TPST1: variants seen among roughly 807,000 people sequenced by gnomAD.
TPST1 encodes the protein protein-tyrosine sulfotransferase 1.
In TPST1, 20 loss-of-function variants were observed where a neutral mutation model predicts 34.8. The ratio of observed to expected loss-of-function variants is 0.57; its 90% confidence interval spans 0.40 to 0.84. TPST1 has a LOEUF of 0.84. Ranked by LOEUF, TPST1 falls within the 40% of genes least tolerant of loss-of-function variation. The pLI, the probability that TPST1 is intolerant of heterozygous loss-of-function variation, is 0.00. For synonymous variants in TPST1, 152 were observed against 159.4 expected (o/e 0.95, Z 0.35); for missense variants, 353 against 455.5 (o/e 0.78, Z 2.05).
intron 3 of TPST1, among the ~76,000 whole-genome samples, chr7:66,341,001 A>T (rs1792226699): frequency 6.6e-6 from 1 of 152,092 alleles, no homozygotes; most frequent in Non-Finnish European, 1.5e-5. Flanking sequence ...ACAGAGTGAG[A>T]CTCCGTCTCA....
intron 3 of TPST1, among the ~76,000 whole-genome samples, chr7:66,327,431 G>A (rs944359049): frequency 5.3e-5 from 8 of 152,156 alleles, no homozygotes; most frequent in Admixed American, 5.2e-4. Flanking sequence ...GTTAAAAAAT[G>A]TATATGTACA....
At chr7:66,199,351 G>A in the TPST1 span, among the ~76,000 whole-genome samples, 1 of 146,802 alleles carries the variant, frequency 6.8e-6, no homozygotes, top group African/African-American at 2.5e-5. Flanking sequence ...CTGGAGTGCA[G>A]TGGTGCAATC....
intron 1 of TPST1, among the ~76,000 whole-genome samples, chr7:66,231,591 C>T (rs1338450908): frequency 2.0e-5 from 3 of 152,242 alleles, no homozygotes; most frequent in Non-Finnish European, 4.4e-5. Context: ...GGTGCTAAGC[C>T]CCTCATTGCC....
intron 1 of TPST1, among the ~76,000 whole-genome samples, chr7:66,209,432 C>T (rs1229182613): frequency 3.9e-5 from 6 of 152,176 alleles, no homozygotes; most frequent in African/African-American, 1.4e-4. Context: ...AGCGAGGAAC[C>T]TTTGAAGGAT....
intron 2 of TPST1, among the ~76,000 whole-genome samples, chr7:66,261,502 A>T (rs1422477202): frequency 6.6e-6 from 1 of 152,164 alleles, no homozygotes; most frequent in African/African-American, 2.4e-5. Context: ...TAAATTTTTT[A>T]AAATTTTGGG....
At chr7:66,206,752 G>T (rs1789139389) in intron 1 of TPST1, among the ~76,000 whole-genome samples, 1 of 152,096 alleles carries the variant, frequency 6.6e-6, no homozygotes, top group South Asian at 2.1e-4. Flanking sequence ...AAGCAATGTG[G>T]TACGTGTTTA....
At chr7:66,243,771 T>G (rs1790088503) in intron 2 of TPST1, among the ~76,000 whole-genome samples, 1 of 151,700 alleles carries the variant, frequency 6.6e-6, no homozygotes, top group Non-Finnish European at 1.5e-5. Flanking sequence ...TTTTAAAGAT[T>G]GAATCCCTAC....
chr7:66,282,932 T>C (rs1790961366), intron 2 of TPST1, among the ~76,000 whole-genome samples: 1 of 152,218 alleles, frequency 6.6e-6, no homozygotes, highest in Non-Finnish European at 1.5e-5. Flanking sequence ...CCCAACTTAG[T>C]AGCTTCAATA....
intron 3 of TPST1, among the ~76,000 whole-genome samples, chr7:66,339,695 G>A (rs1464310021): frequency 6.6e-6 from 1 of 151,980 alleles, no homozygotes; most frequent in Non-Finnish European, 1.5e-5. Flanking sequence ...AGGGTGGGGG[G>A]TTGGAGGAAG....
Position 66,244,262 on chromosome 7 carries a change from T to C in TPST1, c.845+2992T>C, listed in dbSNP as rs1488351149. Among the ~76,000 whole-genome samples the C allele has an allele frequency of 1.5e-4, 23 of 152,180 alleles. 1 individual carries two copies. Among genetic ancestry groups the C allele is most frequent in the Admixed American group, 1.5e-3 (23 of 15,276 alleles). Reference sequence around the variant, plus strand: ...GCCACCGCGCCTGGCCGAAAATTGTTTAAAGTAAATATTTTAATACTTAGT... The same window carrying C: ...GCCACCGCGCCTGGCCGAAAATTGTCTAAAGTAAATATTTTAATACTTAGT... On this transcript the variant is annotated intron_variant, in intron 2 of 5. Coordinates refer to ENST00000304842, the MANE Select transcript of TPST1 (RefSeq NM_003596.4).
intron 1 of TPST1, among the ~76,000 whole-genome samples, chr7:66,212,364 G>A (rs1756621262): frequency 6.6e-6 from 1 of 152,116 alleles, no homozygotes; most frequent in Admixed American, 6.5e-5. Flanking sequence ...TTGGTGATGG[G>A]TAGGAAGAAA....
At chr7:66,355,902 CAAAAAAAAAAAA>C (rs573200695) in intron 4 of TPST1, among the ~76,000 whole-genome samples, 48 of 56,908 alleles carry the variant, frequency 8.4e-4, no homozygotes, top group African/African-American at 2.9e-3. Context: ...AAGACTCCAT[CAAAAAAAAAAAA>C]AAAAAAAAAA....
upstream of TPST1, among the ~76,000 whole-genome samples, chr7:66,204,133 C>T (rs1789072288): frequency 6.6e-6 from 1 of 150,746 alleles, no homozygotes; most frequent in South Asian, 2.1e-4. Context: ...GCCAAGATCA[C>T]ATAACTCCAC....
intron 2 of TPST1, among the ~76,000 whole-genome samples, chr7:66,269,868 C>T (rs1790670116): frequency 6.6e-6 from 1 of 151,832 alleles, no homozygotes; most frequent in South Asian, 2.1e-4. Flanking sequence ...GAGAGCAAGT[C>T]AACAAAGCAG....
At chr7:66,248,503 G>GTTTT (rs373801835) in intron 2 of TPST1, among the ~76,000 whole-genome samples, 13 of 124,278 alleles carry the variant, frequency 1.0e-4, no homozygotes, top group South Asian at 2.6e-4. Context: ...AACATTTAGT[G>GTTTT]TTTTTTTTTT....
chr7:66,286,187 A>G (rs1190867309), intron 2 of TPST1, among the ~76,000 whole-genome samples: 2 of 151,894 alleles, frequency 1.3e-5, no homozygotes, highest in African/African-American at 4.8e-5. Flanking sequence ...TTGACTGACA[A>G]TTTTTCTAAG....
chr7:66,264,935 T>C (rs1790561248), intron 2 of TPST1, among the ~76,000 whole-genome samples: 1 of 151,984 alleles, frequency 6.6e-6, no homozygotes, highest in Non-Finnish European at 1.5e-5. Context: ...AAAACCTAAC[T>C]GAAAGTTTGA....
intron 2 of TPST1, among the ~76,000 whole-genome samples, chr7:66,276,380 A>ATATATATATATATATATATATATATG (rs1194858990): frequency 2.1e-5 from 3 of 139,834 alleles, no homozygotes; most frequent in African/African-American, 8.3e-5. Context: ...ATATATATAT[A>ATATATATATATATATATATATATATG]TGTATTTTTT....
chr7:66,203,663 T>G (rs4636083), upstream of TPST1, among the ~76,000 whole-genome samples: 59,089 of 151,222 alleles, frequency 0.39, 12,296 homozygotes, highest in Non-Finnish European at 0.47. Context: ...ATTTTTGTAT[T>G]TTTAGTAGAG....
Sources: gnomAD v4.1 joint callset for allele counts (sites outside exome capture counted in the v4.1 genomes callset) on GRCh38, gnomAD v4.1.1 for gene constraint, MANE v1.5 for transcripts, NCBI Gene and HGNC (gene_info 2026-07-23, HGNC 2026-07-21) for gene names.